The following MYOF variants were observed in gnomAD, a reference collection of about 807,000 sequenced individuals.
MYOF encodes the protein myoferlin.
MYOF carries 244 observed loss-of-function variants against 284.2 expected under a neutral mutation model. The observed-to-expected ratio is 0.86, with a 90% CI of 0.77 to 0.95. The LOEUF (loss-of-function observed/expected upper bound fraction) is 0.95, where lower values mean the gene tolerates loss of function less well. Among genes scored for constraint, MYOF ranks in the 40% least tolerant of loss-of-function variants. The pLI is 0.00. For missense variants in MYOF, 2,496 were observed against 2,560.6 expected, an observed-to-expected ratio of 0.97 and a Z score of 0.54; for synonymous variants, 904 against 919.7, an observed-to-expected ratio of 0.98 and a Z score of 0.31.
chr10:93,478,268 G>C, intron 1 of MYOF: 1 of 263,824 alleles, frequency 3.8e-6, no homozygotes, highest in Non-Finnish European at 7.6e-6. Context: ...ATCTCAGCTA[G>C]ATTCAGCTTC....
chr10:93,438,188 C>T (rs1455079001), intron 3 of MYOF, among the ~76,000 whole-genome samples: 1 of 152,114 alleles, frequency 6.6e-6, no homozygotes, highest in Non-Finnish European at 1.5e-5. Flanking sequence ...AATTTTCCAT[C>T]CACTGACCCC....
At chr10:93,472,665 A>T (rs934649774) in intron 1 of MYOF, among the ~76,000 whole-genome samples, 26 of 152,108 alleles carry the variant, frequency 1.7e-4, no homozygotes, top group Admixed American at 6.5e-5. Context: ...CAAAAACAAA[A>T]ACAAAACTGT....
intron 3 of MYOF, among the ~76,000 whole-genome samples, chr10:93,436,192 A>G (rs10882233): frequency 0.2 from 30,982 of 152,070 alleles, 4,000 homozygotes; most frequent in East Asian, 0.73. Context: ...GAGCAGGCTT[A>G]CCTAAAACAC....
chr10:93,471,151 A>G (rs1387251713), intron 1 of MYOF, among the ~76,000 whole-genome samples: 1 of 152,144 alleles, frequency 6.6e-6, no homozygotes, highest in East Asian at 1.9e-4. Context: ...CATTACAAGA[A>G]GTTATGGTTC....
rs1388397419 is a variant in MYOF, at chr10:93,357,419, TG to T, written c.3121-572del. 2.6e-5 allele frequency among the ~76,000 whole-genome samples: 4 copies of T among 152,192 alleles called. 1 individual carries two copies. In the East Asian group the frequency reaches 5.8e-4, roughly 22 times the overall value. On this transcript the variant is annotated intron_variant, in intron 29 of 53. Coordinates refer to ENST00000359263, the MANE Select transcript of MYOF (RefSeq NM_013451.4). ...ATTTACCAGTGGTATCAGTTTTCAA[TG>T]TTATATTCTCTTCATTCGACAAATA...
At chr10:93,336,905 AAAGGAAGG>A (rs760695927) in intron 40 of MYOF, among the ~76,000 whole-genome samples, 1 of 148,388 alleles carries the variant, frequency 6.7e-6, no homozygotes, top group Non-Finnish European at 1.5e-5. Context: ...GAAAGAGAAG[AAAGGAAGG>A]AAGGGAAGGA....
intron 11 of MYOF, among the ~76,000 whole-genome samples, chr10:93,401,761 T>C (rs1406182598): frequency 6.6e-6 from 1 of 151,264 alleles, no homozygotes; most frequent in African/African-American, 2.4e-5. Context: ...CATTCTGTCA[T>C]TTTATGAGCA....
At chr10:93,446,968 C>A (rs141978587) in intron 3 of MYOF, among the ~76,000 whole-genome samples, 1 of 152,068 alleles carries the variant, frequency 6.6e-6, no homozygotes, top group Non-Finnish European at 1.5e-5. Context: ...CTGCCTGCCT[C>A]GGCCTCCCAA....
In MYOF at chr10:93,323,305, G is replaced by T; in HGVS notation, c.5325C>A (p.Gly1775=). ...TCCGGGGTGTGATGTTGAAAGGAGG[G>T]CCTGGTGGCCCCAAACTCTTGGGGA... ...DVFPKSLGPP[G]PPFNITPRKA... is the part of the protein sequence containing the mutation. Residue 1775 remains glycine, a synonymous_variant, in exon 47 of 54, where the codon GGC becomes GGA. Transcript: ENST00000359263. The T allele has an allele frequency of 1.9e-6, 3 of 1,614,056 alleles. No homozygotes were observed. The highest frequency in any genetic ancestry group is 2.5e-6 in the Non-Finnish European group (3 of 1,179,936).
chr10:93,443,482 G>C (rs1236708547), intron 3 of MYOF, among the ~76,000 whole-genome samples: 17 of 151,462 alleles, frequency 1.1e-4, no homozygotes, highest in African/African-American at 3.2e-4. Flanking sequence ...CTGTGTGTGT[G>C]TGTGTGTGTG....
At chr10:93,350,751 T>A (rs1844470339) in intron 35 of MYOF, among the ~76,000 whole-genome samples, 1 of 152,098 alleles carries the variant, frequency 6.6e-6, no homozygotes. Flanking sequence ...ACGGGGAAAG[T>A]CTTGAGAGTG....
intron 1 of MYOF, among the ~76,000 whole-genome samples, chr10:93,479,466 G>T (rs567328506): frequency 6.6e-6 from 1 of 152,288 alleles, no homozygotes; most frequent in South Asian, 2.1e-4. Flanking sequence ...CCTGTAAAGG[G>T]TTTGCCATCA....
intron 24 of MYOF, among the ~76,000 whole-genome samples, chr10:93,372,407 G>C (rs752888497): frequency 3.9e-5 from 6 of 152,154 alleles, no homozygotes; most frequent in Admixed American, 6.5e-5. Context: ...GGAGGAGAAG[G>C]CCTGTGGCTC....
At chr10:93,369,584 A>C in intron 25 of MYOF, 61 bp downstream of exon 25, 1 of 1,604,260 alleles carries the variant, frequency 6.2e-7, no homozygotes, top group Non-Finnish European at 8.5e-7. Flanking sequence ...CATAAAGGTG[A>C]AAAGTAAAAG....
At chr10:93,433,231 C>G (rs922462658) in intron 3 of MYOF, among the ~76,000 whole-genome samples, 2 of 152,174 alleles carry the variant, frequency 1.3e-5, no homozygotes, top group Admixed American at 1.3e-4. Flanking sequence ...GATCTCAGCT[C>G]ACCACAACCT....
In MYOF at chr10:93,397,261, T is replaced by C; in HGVS notation, c.1320A>G (p.Leu440=). The C allele has an allele frequency of 6.3e-7, 1 of 1,594,936 alleles. No homozygotes were observed. The highest frequency in any genetic ancestry group is 1.1e-5 in the South Asian group (1 of 89,552). Residue 440 remains leucine (L), a synonymous_variant, in exon 15 of 54, where the codon CTA becomes CTG. Coordinates refer to ENST00000359263, the MANE Select transcript of MYOF (RefSeq NM_013451.4). ...KFPSVCEKIK[L]TIYDWDRLTK... ...TTTCAACTCACCAGTCATATATTGT[T>C]AGTTTTATTTTTTCACACACTGAAG...
chr10:93,355,541 C>T (rs1201286340), intron 31 of MYOF, 87 bp downstream of exon 31: 4 of 1,051,014 alleles, frequency 3.8e-6, no homozygotes, highest in Non-Finnish European at 5.5e-6. Context: ...GATCGTACCA[C>T]TGCACTCCAG....
intron 43 of MYOF, among the ~76,000 whole-genome samples, chr10:93,332,563 C>T (rs1348292501): frequency 6.7e-5 from 10 of 149,754 alleles, no homozygotes; most frequent in African/African-American, 2.0e-4. Context: ...CACTGAGTCT[C>T]AGCCTGTCGC....
intron 3 of MYOF, among the ~76,000 whole-genome samples, chr10:93,437,946 T>C (rs559150281): frequency 6.6e-6 from 1 of 152,276 alleles, no homozygotes; most frequent in Admixed American, 6.5e-5. Context: ...TGGCCAAACT[T>C]GAGTGGAGCT....
Sources: allele counts gnomAD v4.1 joint callset (sites outside exome capture counted in the v4.1 genomes callset), GRCh38; gene constraint gnomAD v4.1.1; transcripts MANE v1.5; gene names NCBI Gene and HGNC (gene_info 2026-07-23, HGNC 2026-07-21).